The following PPHLN1 variants were observed in gnomAD, a reference collection of about 807,000 sequenced individuals.
The protein encoded by PPHLN1 is periphilin-1.
PPHLN1 carries 29 observed loss-of-function variants against 51.3 expected under a neutral mutation model. The ratio of observed to expected loss-of-function variants is 0.57; its 90% confidence interval spans 0.42 to 0.77. The LOEUF (loss-of-function observed/expected upper bound fraction) is 0.77, where lower values mean the gene tolerates loss of function less well. Among genes scored for constraint, PPHLN1 ranks in the 30% least tolerant of loss-of-function variants. The pLI, the probability that PPHLN1 is intolerant of heterozygous loss-of-function variation, is 0.00. For synonymous variants in PPHLN1, 147 were observed against 147.8 expected (o/e 0.99, Z 0.04); for missense variants, 436 against 438.4 (o/e 0.99, Z 0.05).
intron 5 of PPHLN1, among the ~76,000 whole-genome samples, chr12:42,380,495 G>A (rs1330246568): frequency 6.6e-6 from 1 of 151,978 alleles, no homozygotes; most frequent in Non-Finnish European, 1.5e-5. Flanking sequence ...ACTGTTTTGA[G>A]ACAAGTATAT....
intron 1 of PPHLN1, among the ~76,000 whole-genome samples, chr12:42,329,602 G>C (rs533730480): frequency 6.6e-6 from 1 of 152,142 alleles, no homozygotes; most frequent in East Asian, 1.9e-4. Context: ...CTCACTACTA[G>C]AAATACTACT....
intron 4 of PPHLN1, among the ~76,000 whole-genome samples, chr12:42,373,838 G>C (rs1487130485): frequency 6.6e-6 from 1 of 152,156 alleles, no homozygotes; most frequent in Non-Finnish European, 1.5e-5. Context: ...ATTTAGAGAT[G>C]GGCAACAATC....
chr12:42,374,433 A>G (rs2076062087), intron 4 of PPHLN1, among the ~76,000 whole-genome samples: 1 of 70,688 alleles, frequency 1.4e-5, no homozygotes, highest in African/African-American at 4.7e-5. Flanking sequence ...GAGAACCAAG[A>G]GTACAAATTT....
intron 9 of PPHLN1, among the ~76,000 whole-genome samples, chr12:42,419,391 AC>A (rs2080775709): frequency 4.3e-5 from 2 of 46,040 alleles, no homozygotes; most frequent in African/African-American, 1.2e-4. Context: ...ACAGGCACCC[AC>A]CACCACACCT....
At chr12:42,352,253 G>T (rs1057309175) in intron 3 of PPHLN1, among the ~76,000 whole-genome samples, 1 of 151,966 alleles carries the variant, frequency 6.6e-6, no homozygotes, top group Non-Finnish European at 1.5e-5. Context: ...TAAGCACTCT[G>T]GGTGGCACTA....
At chr12:42,422,329 A>G (rs1157267199) in intron 9 of PPHLN1, among the ~76,000 whole-genome samples, 4 of 152,222 alleles carry the variant, frequency 2.6e-5, no homozygotes. Flanking sequence ...GAGGAGAAGA[A>G]TGGTTTAATG....
chr12:42,441,220 T>C (rs2082925688), intron 9 of PPHLN1, 95 bp from the exon 10 acceptor site: 21 of 1,434,888 alleles, frequency 1.5e-5, no homozygotes, highest in East Asian at 2.3e-5. Flanking sequence ...GTCTCTCTTT[T>C]AGATGTCAGC....
chr12:42,334,988 T>C (rs1294854566), intron 1 of PPHLN1, among the ~76,000 whole-genome samples: 1 of 152,238 alleles, frequency 6.6e-6, no homozygotes. Context: ...TCTGATCTTT[T>C]GAAGAAAAAT....
rs2068741506 is a variant in PPHLN1, at chr12:42,326,237, C to T, written c.-21+8C>T. 2.0e-5 allele frequency: 3 copies of T among 151,992 alleles called. 1 individual carries two copies. The South Asian group carries it at 6.2e-4, about 32-fold the overall frequency. The allele number at this position is 151,992 out of a possible 1,614,324, so 9.4% of individuals were successfully genotyped here. ...CCCGGAGGGCCAGAGTCGGTGAGCGCTTTTTACCTTTCCCAGAGATGGATG... is the reference window on the plus strand; with the variant it reads ...CCCGGAGGGCCAGAGTCGGTGAGCGTTTTTTACCTTTCCCAGAGATGGATG... On this transcript the variant is annotated splice_region_variant and intron_variant, in intron 1 of 9. Coordinates refer to ENST00000358314, the MANE Select transcript of PPHLN1 (RefSeq NM_201439.2).
chr12:42,333,932 A>T (rs1427256002), intron 1 of PPHLN1, among the ~76,000 whole-genome samples: 1 of 152,192 alleles, frequency 6.6e-6, no homozygotes, highest in African/African-American at 2.4e-5. Flanking sequence ...ATCTTTTCAA[A>T]AGATTTTTAA....
intron 1 of PPHLN1, among the ~76,000 whole-genome samples, chr12:42,328,192 A>T (rs2069101828): frequency 1.3e-5 from 2 of 152,202 alleles, no homozygotes; most frequent in African/African-American, 2.4e-5. Flanking sequence ...GAATGGAAAA[A>T]GATATCCCGT....
chr12:42,363,879 A>G (rs1230241024), intron 4 of PPHLN1, among the ~76,000 whole-genome samples: 1 of 152,170 alleles, frequency 6.6e-6, no homozygotes, highest in African/African-American at 2.4e-5. Flanking sequence ...GTGACTTAGA[A>G]TGAGGTTGTT....
At chr12:42,380,483 G>A (rs1431022546) in intron 5 of PPHLN1, among the ~76,000 whole-genome samples, 1 of 152,006 alleles carries the variant, frequency 6.6e-6, no homozygotes, top group African/African-American at 2.4e-5. Flanking sequence ...GTAATTAAAA[G>A]TACTGTTTTG....
intron 7 of PPHLN1, among the ~76,000 whole-genome samples, chr12:42,389,417 G>C (rs918891020): frequency 6.6e-6 from 1 of 150,632 alleles, no homozygotes; most frequent in Admixed American, 6.6e-5. Flanking sequence ...ACAATTAGCC[G>C]GGTGTGGTGG....
rs527427702 is a variant in PPHLN1, at chr12:42,370,484, T to G, written c.300-4379T>G. On this transcript the variant is annotated intron_variant, in intron 4 of 9. Transcript: ENST00000358314. ...GTATTTTATTTTCTTGAAATAAGAG[T>G]TTTTCTATTTATTCTTTTCATATTC... is the stretch of plus-strand genomic sequence containing the variant. Among the ~76,000 whole-genome samples, 106 of 152,110 alleles carry G rather than the reference T, an allele frequency of 7.0e-4. 1 individual carries two copies. The highest frequency in any genetic ancestry group is 7.0e-3 in the Admixed American group (106 of 15,248).
intron 5 of PPHLN1, among the ~76,000 whole-genome samples, chr12:42,380,879 C>T (rs905738436): frequency 6.6e-6 from 1 of 152,176 alleles, no homozygotes; most frequent in African/African-American, 2.4e-5. Flanking sequence ...TCAATACTTA[C>T]ATCTCTTAAT....
At chr12:42,404,097 A>C (rs2079075728) in intron 9 of PPHLN1, among the ~76,000 whole-genome samples, 1 of 151,938 alleles carries the variant, frequency 6.6e-6, no homozygotes, top group African/African-American at 2.4e-5. Context: ...GTTCTCTCAC[A>C]GAATTGACAA....
At chr12:42,443,547 A>G (rs959231724), downstream of PPHLN1, 2 of 152,222 alleles carry the variant, frequency 1.3e-5, no homozygotes, top group African/African-American at 2.4e-5. Context: ...TTATATAAAC[A>G]GCAAACCTCT....
chr12:42,347,800 TC>T (rs2072587925), intron 2 of PPHLN1, among the ~76,000 whole-genome samples: 1 of 152,136 alleles, frequency 6.6e-6, no homozygotes, highest in Non-Finnish European at 1.5e-5. Flanking sequence ...AAAGGGAAAT[TC>T]TGAATTCTTT....
Sources: gnomAD v4.1 joint callset for allele counts (sites outside exome capture counted in the v4.1 genomes callset) on GRCh38, gnomAD v4.1.1 for gene constraint, MANE v1.5 for transcripts, NCBI Gene and HGNC (gene_info 2026-07-23, HGNC 2026-07-21) for gene names.